ZNF493: variants seen among roughly 807,000 people sequenced by gnomAD.
The protein encoded by ZNF493 is zinc finger protein 493.
In ZNF493, 11 loss-of-function variants were observed where a neutral mutation model predicts 12.2. The observed-to-expected ratio is 0.90, with a 90% CI of 0.57 to 1.50. The LOEUF (loss-of-function observed/expected upper bound fraction) is 1.50. ZNF493 is among the 40% of genes most tolerant of loss of function. The pLI is 0.00. For synonymous variants in ZNF493, 286 were observed against 302.6 expected (o/e 0.95, Z 0.57); for missense variants, 950 against 906.6 (o/e 1.05, Z -0.61).
rs1441064679 is a variant in ZNF493 at position 21,426,425 on chromosome 19, CATG to C, written c.*1444_*1446del. 1 of 167,996 alleles carries C rather than the reference CATG, an allele frequency of 6.0e-6. No homozygotes were observed. 10.4% of individuals were successfully genotyped at this position (167,996 alleles called of 1,614,324 possible). A position where few individuals can be genotyped will look rare whatever the true frequency, so the allele number is the denominator to read the frequency against. On this transcript the variant is annotated 3_prime_UTR_variant, in exon 4 of 4. Transcript: ENST00000392288. ...CCAGAGAGTTCATGCTTAATAAAAG[CATG>C]ATAAGTGCAATTACTGCCAAAAGAT...
Position 21,427,039 on chromosome 19 carries a change from TTG to T in ZNF493, c.*2058_*2059del, listed in dbSNP as rs1423886890. 1.8e-5 allele frequency: 3 copies of T among 167,026 alleles called. No individual in the cohort carries two copies. The highest frequency in any genetic ancestry group is 4.4e-5 in the Non-Finnish European group (3 of 68,118). 10.3% of individuals were successfully genotyped at this position (167,026 alleles called of 1,614,324 possible). ...CTGCTGTTTCTTCATTCTTATTCACTTGTGAAAGCTTGTGATCATTTGTTGCT... is the reference window on the plus strand; with the variant it reads ...CTGCTGTTTCTTCATTCTTATTCACTTGAAAGCTTGTGATCATTTGTTGCT... On this transcript the variant is annotated 3_prime_UTR_variant, in exon 4 of 4. Coordinates refer to ENST00000392288, the MANE Select transcript of ZNF493 (RefSeq NM_001076678.3).
rs143886371 is a variant in ZNF493, at chr19:21,400,752, A to T, written c.30+3485A>T. On this transcript the variant is annotated intron_variant, in intron 1 of 3. Coordinates refer to ENST00000392288, the MANE Select transcript of ZNF493 (RefSeq NM_001076678.3). ...AAGGTTAAGATAAAAGGGGACAGGG[A>T]GGGTCATACTGACCATGTAGTTGTT... Among the ~76,000 whole-genome samples the T allele has an allele frequency of 5.9e-5, 9 of 152,340 alleles. No homozygotes were observed. The South Asian group carries it at 8.3e-4, about 14-fold the overall frequency.
At chr19:21,421,054 T>A (rs916741709) in intron 3 of ZNF493, among the ~76,000 whole-genome samples, 1 of 152,052 alleles carries the variant, frequency 6.6e-6, no homozygotes, top group Non-Finnish European at 1.5e-5. Flanking sequence ...AGCCAACACA[T>A]CACTTTTATG....
Position 21,423,557 on chromosome 19 carries a change from A to G in ZNF493, c.898A>G (p.Lys300Glu). The G allele has an allele frequency of 6.2e-7, 1 of 1,613,618 alleles. No individual in the cohort carries two copies. The highest frequency in any genetic ancestry group is 8.5e-7 in the Non-Finnish European group (1 of 1,179,678). Reference protein sequence around the residue: ...EKPYKCEQYGKTFNQSSTLTG... With the variant: ...EKPYKCEQYGETFNQSSTLTG... ...ACCCTATAAATGTGAACAATATGGC[A>G]AAACTTTTAACCAATCTTCAACCCT... Residue 300 changes from lysine (K) to glutamate (E), a missense_variant, in exon 4 of 4, where the codon AAA (lysine) becomes GAA (glutamate). Physicochemically the swap from Lys to Glu is moderately conservative, Grantham distance 56. Transcript: ENST00000392288.
At chr19:21,420,624 T>TAA (rs1491161100) in intron 3 of ZNF493, among the ~76,000 whole-genome samples, 1 of 17,116 alleles carries the variant, frequency 5.8e-5, no homozygotes, top group African/African-American at 2.4e-4. Context: ...TATATATATA[T>TAA]TTTTTTTTTT....
intron 1 of ZNF493, among the ~76,000 whole-genome samples, chr19:21,401,876 C>T (rs898661123): frequency 3.3e-5 from 5 of 152,144 alleles, no homozygotes; most frequent in Admixed American, 2.0e-4. Flanking sequence ...GTGATCCACT[C>T]GCCTCGGCCT....
intron 3 of ZNF493, chr19:21,413,516 G>T (rs1448101561): frequency 9.9e-6 from 4 of 402,276 alleles, no homozygotes; most frequent in Non-Finnish European, 1.7e-5. Context: ...AAGGTGGGTG[G>T]CTGTGTTCGA....
chr19:21,402,144 T>G lies in ZNF493; in HGVS notation c.31-2985T>G, dbSNP rs899827463. On this transcript the variant is annotated intron_variant, in intron 1 of 3. Coordinates refer to ENST00000392288, the MANE Select transcript of ZNF493 (RefSeq NM_001076678.3). ...CATCACGACCGGCTAATTTTTTGTA[T>G]TTTTAGTAGAGATGGGGTTTCGCTG... Among the ~76,000 whole-genome samples, 4 of 151,940 alleles carry G rather than the reference T, an allele frequency of 2.6e-5. No homozygotes were observed. In the South Asian group the frequency reaches 8.3e-4, roughly 32 times the overall value.
chr19:21,408,245 C>T (rs538667614), intron 3 of ZNF493: 211 of 694,830 alleles, frequency 3.0e-4, no homozygotes, highest in Admixed American at 5.7e-4. Flanking sequence ...CCTACCTCAG[C>T]CTCCTGAGTA....
Position 21,425,642 on chromosome 19 carries a change from C to T in ZNF493, c.*658C>T, listed in dbSNP as rs536623205. 245 of 808,510 alleles carry T rather than the reference C, an allele frequency of 3.0e-4. 2 individuals carry two copies. In the South Asian group the frequency reaches 3.1e-3, roughly 10 times the overall value. 50.1% of individuals were successfully genotyped at this position (808,510 alleles called of 1,614,324 possible). A position where few individuals can be genotyped will look rare whatever the true frequency, so the allele number is the denominator to read the frequency against. ...AATGTGGCAAACCTTTTAACCAATC[C>T]TCAACCCTTACTACACATTAGATAA... On this transcript the variant is annotated 3_prime_UTR_variant, in exon 4 of 4. Transcript: ENST00000392288.
chr19:21,400,609 G>T (rs2029905253), intron 1 of ZNF493, among the ~76,000 whole-genome samples: 1 of 151,928 alleles, frequency 6.6e-6, no homozygotes, highest in Admixed American at 6.6e-5. Flanking sequence ...GGCCTAGTTA[G>T]TTTTTTTTCT....
chr19:21,398,256 ATTAT>A (rs1424378203), intron 1 of ZNF493: 1 of 152,618 alleles, frequency 6.6e-6, no homozygotes, highest in African/African-American at 2.4e-5. Flanking sequence ...CCATATTTTA[ATTAT>A]TTTTTTGGCA....
At chr19:21,422,381 C>CT (rs36187718) in intron 3 of ZNF493, among the ~76,000 whole-genome samples, 1,927 of 135,232 alleles carry the variant, frequency 0.014, 26 homozygotes, top group Middle Eastern at 0.02. Context: ...TTTTACTAGT[C>CT]TTTTTTTTTT....
rs2030733995 is a variant in ZNF493 at position 21,423,156 on chromosome 19, T to G, written c.497T>G (p.Leu166Arg). 6.2e-7 allele frequency: 1 copy of G among 1,613,328 alleles called. No homozygotes were observed. Among genetic ancestry groups the G allele is most frequent in the African/African-American group, 1.3e-5 (1 of 74,876 alleles). The change falls in exon 4 of 4, where the codon CTT becomes CGT. Residue 166 changes from leucine to arginine, a missense_variant. Coordinates refer to ENST00000392288, the MANE Select transcript of ZNF493 (RefSeq NM_001076678.3). ...AAATATGTGAAAGTCTTTCATAAAC[T>G]TTTAAATTCAAATAGACATAACACA... is the stretch of plus-strand genomic sequence containing the variant. The part of the protein sequence containing the change: ...CDKYVKVFHK[L>R]LNSNRHNTKH...
At chr19:21,413,486 AC>A in intron 3 of ZNF493, 1 of 405,332 alleles carries the variant, frequency 2.5e-6, no homozygotes, top group South Asian at 1.1e-4. Context: ...GCCATCTGTG[AC>A]AGCTTCTTGA....
At position 21,424,414 on chromosome 19, in the gene ZNF493, C is replaced by T. The variant is rs1177806756; in HGVS notation, c.1755C>T (p.Phe585=). ...CKECGKSFSV[F]STLTKHKIIH... ...AATGTGGCAAATCCTTTAGTGTATT[C>T]TCAACCCTTACTAAACACAAGATAA... Residue 585 remains phenylalanine, a synonymous_variant, in exon 4 of 4, where the codon TTC becomes TTT. Coordinates refer to ENST00000392288, the MANE Select transcript of ZNF493 (RefSeq NM_001076678.3). 5 of 1,611,724 alleles carry T rather than the reference C, an allele frequency of 3.1e-6. No homozygotes were observed. The highest frequency in any genetic ancestry group is 4.2e-6 in the Non-Finnish European group (5 of 1,179,446).
At chr19:21,410,060 GTATATATATATA>G (rs60038018) in intron 3 of ZNF493, among the ~76,000 whole-genome samples, 1,266 of 43,956 alleles carry the variant, frequency 0.029, 20 homozygotes, top group Middle Eastern at 0.071. Flanking sequence ...TTCATTGTGT[GTATATATATATA>G]TATATATATA....
chr19:21,407,987 G>C lies in ZNF493; in HGVS notation c.253+2131G>C, dbSNP rs1429550328. On this transcript the variant is annotated intron_variant, in intron 3 of 3. Transcript: ENST00000392288. ...GATCTTCTTTTCTTGTGTTCCCCAG[G>C]GTTTTGGGATGCCCTCTGGGTTTGT... is the stretch of plus-strand genomic sequence containing the variant. The C allele has an allele frequency of 3.0e-6, 3 of 985,168 alleles. No homozygotes were observed. In the African/African-American group the frequency reaches 5.2e-5, roughly 17 times the overall value. 61.0% of individuals were successfully genotyped at this position (985,168 alleles called of 1,614,324 possible).
In ZNF493 at chr19:21,425,443, G is replaced by A. The variant is rs2030830275; in HGVS notation, c.*459G>A. The A allele has an allele frequency of 2.2e-6, 1 of 458,068 alleles. No homozygotes were observed. The highest frequency in any genetic ancestry group is 4.3e-6 in the Non-Finnish European group (1 of 233,596). The allele number at this position is 458,068 out of a possible 1,614,324, so 28.4% of individuals were successfully genotyped here. On this transcript the variant is annotated 3_prime_UTR_variant, in exon 4 of 4. Transcript: ENST00000392288. ...CATAAAGGAGATAAATTATACAAAT[G>A]TGAAGAATGTGGCAAAGCTTTTAAC...
Sources: gnomAD v4.1 joint callset for allele counts (sites outside exome capture counted in the v4.1 genomes callset) on GRCh38, gnomAD v4.1.1 for gene constraint, MANE v1.5 for transcripts, NCBI Gene and HGNC (gene_info 2026-07-23, HGNC 2026-07-21) for gene names.